DNAH3: variants seen among roughly 807,000 people sequenced by gnomAD.
DNAH3 encodes axonemal beta dynein heavy chain 3.
DNAH3 carries 332 observed loss-of-function variants against 432.5 expected under a neutral mutation model. That is an observed-to-expected ratio of 0.77 (90% CI 0.70 to 0.84). DNAH3 has a LOEUF of 0.84. DNAH3 is among the 40% of genes least tolerant of loss of function. DNAH3 has a pLI of 0.00. For synonymous variants in DNAH3, 1,956 were observed against 1,900.2 expected, an observed-to-expected ratio of 1.03 and a Z score of -0.76; for missense variants, 4,861 against 5,114.0, an observed-to-expected ratio of 0.95 and a Z score of 1.51.
At chr16:21,115,016 G>C (rs2092155226) in intron 12 of DNAH3, among the ~76,000 whole-genome samples, 1 of 152,148 alleles carries the variant, frequency 6.6e-6, no homozygotes, top group Non-Finnish European at 1.5e-5. Flanking sequence ...TGATAGACTG[G>C]ATTAAGAAAA....
intron 38 of DNAH3, among the ~76,000 whole-genome samples, 177 bp downstream of exon 38, chr16:21,026,849 GT>G (rs2088589563): frequency 1.3e-5 from 2 of 151,978 alleles, no homozygotes; most frequent in Admixed American, 1.3e-4. Flanking sequence ...ATTTACTCAT[GT>G]AACAAAGCTG....
At chr16:21,034,129 G>A (rs1195406573) in intron 35 of DNAH3, 44 bp from the exon 36 acceptor site, 11 of 1,314,548 alleles carry the variant, frequency 8.4e-6, no homozygotes, top group South Asian at 2.4e-5. Context: ...TCATTGCAAC[G>A]CTCCCCCATT....
At chr16:21,036,919 AATGAG>A in intron 34 of DNAH3, 71 bp from the exon 35 acceptor site, 1 of 1,259,658 alleles carries the variant, frequency 7.9e-7, no homozygotes, top group Admixed American at 2.1e-5. Context: ...ATTTTCCTAA[AATGAG>A]ATGTATCAAC....
At chr16:20,998,094 TCTA>T (rs1318153426) in intron 43 of DNAH3, among the ~76,000 whole-genome samples, 3 of 152,110 alleles carry the variant, frequency 2.0e-5, no homozygotes, top group African/African-American at 7.2e-5. Context: ...AAATAGATTG[TCTA>T]CTATGTGCTA....
At chr16:20,989,995 G>C (rs3115444) in intron 44 of DNAH3, among the ~76,000 whole-genome samples, 26,968 of 152,222 alleles carry the variant, frequency 0.18, 2,763 homozygotes, top group African/African-American at 0.28. Context: ...AGCGCCGCGC[G>C]CAGCCCCGGT....
At chr16:20,959,318 C>A (rs1360204118) in exon 54 of DNAH3, 1 of 1,614,190 alleles carries the variant, frequency 6.2e-7, no homozygotes, top group Non-Finnish European at 8.5e-7. Context: ...ATCATTTTGG[C>A]AGCAATAGGG....
At chr16:21,155,621 C>CAAAACA (rs2092893090) in intron 1 of DNAH3, among the ~76,000 whole-genome samples, 1 of 76,814 alleles carries the variant, frequency 1.3e-5, no homozygotes, top group Admixed American at 1.6e-4. Context: ...GACTCCGTCT[C>CAAAACA]AAAAAAAAAA....
chr16:21,087,038 A>T, exon 19 of DNAH3: 1 of 1,614,048 alleles, frequency 6.2e-7, no homozygotes, highest in Non-Finnish European at 8.5e-7. Context: ...CAATTTGCTC[A>T]GCATTCAGTA....
At chr16:21,033,002 C>T (rs940734905) in intron 36 of DNAH3, among the ~76,000 whole-genome samples, 13 of 151,958 alleles carry the variant, frequency 8.6e-5, no homozygotes, top group Non-Finnish European at 1.3e-4. Context: ...ATCTCACTCA[C>T]CCAGGCTGCA....
intron 44 of DNAH3, among the ~76,000 whole-genome samples, chr16:20,995,419 T>C (rs2086722292): frequency 6.6e-6 from 1 of 151,870 alleles, no homozygotes; most frequent in Admixed American, 6.6e-5. Flanking sequence ...GTGTGCATCA[T>C]GCCCGGCTAA....
intron 12 of DNAH3, among the ~76,000 whole-genome samples, chr16:21,115,596 A>G (rs973421173): frequency 6.6e-6 from 1 of 151,874 alleles, no homozygotes; most frequent in Non-Finnish European, 1.5e-5. Flanking sequence ...AGTCCCAACT[A>G]CTTGGGAGGC....
intron 41 of DNAH3, among the ~76,000 whole-genome samples, chr16:21,015,080 GA>G (rs1317162930): frequency 2.0e-5 from 3 of 152,106 alleles, no homozygotes; most frequent in African/African-American, 4.8e-5. Flanking sequence ...TTTACTAAAT[GA>G]ATTAATGGAA....
At chr16:21,152,109 C>T (rs1281952652) in intron 1 of DNAH3, among the ~76,000 whole-genome samples, 2 of 152,108 alleles carry the variant, frequency 1.3e-5, no homozygotes, top group Non-Finnish European at 2.9e-5. Context: ...TGGTAGTCGC[C>T]TGTAATCCCA....
rs2092893039 is a variant in DNAH3 at position 21,155,620 on chromosome 16, T to TCAAAA, written c.117+3700_117+3704dup. On this transcript the variant is annotated intron_variant, in intron 1 of 61. Coordinates refer to ENST00000261383, the Ensembl canonical transcript of DNAH3. ...CTGGGAGACAGAGCAAGACTCCGTCTCAAAAAAAAAAAAAAAAAAAAAAAG... is the reference window on the plus strand; with the variant it reads ...CTGGGAGACAGAGCAAGACTCCGTCTCAAAACAAAAAAAAAAAAAAAAAAAAAAAG... Among the ~76,000 whole-genome samples the TCAAAA allele has an allele frequency of 4.2e-4, 14 of 33,248 alleles. No individual in the cohort carries two copies. The Admixed American group carries it at 5.1e-3, about 12-fold the overall frequency. The allele number at this position is 33,248 out of a possible 152,430, so 21.8% of individuals were successfully genotyped here.
chr16:20,933,428 C>A, exon 62 of DNAH3: 1 of 1,614,064 alleles, frequency 6.2e-7, no homozygotes, highest in Non-Finnish European at 8.5e-7. Context: ...CCTGTCCCAA[C>A]GGGCACCTTC....
chr16:20,938,141 C>T (rs2083664088), intron 59 of DNAH3, among the ~76,000 whole-genome samples: 1 of 152,142 alleles, frequency 6.6e-6, no homozygotes, highest in African/African-American at 2.4e-5. Flanking sequence ...CCTGTAATCC[C>T]AGCACTTTGA....
intron 15 of DNAH3, among the ~76,000 whole-genome samples, chr16:21,104,903 T>TCTCTGCTTG (rs2091912401): frequency 6.6e-6 from 1 of 152,272 alleles, no homozygotes; most frequent in Middle Eastern, 3.4e-3. Flanking sequence ...TGTTCTAACC[T>TCTCTGCTTG]CTCTGCTTGA....
At chr16:21,100,883 A>G (rs2091820705) in intron 16 of DNAH3, among the ~76,000 whole-genome samples, 1 of 152,228 alleles carries the variant, frequency 6.6e-6, no homozygotes, top group South Asian at 2.1e-4. Flanking sequence ...TTCCTCCCAG[A>G]GGGCAACTGC....
chr16:21,078,137 T>C (rs956900953), intron 20 of DNAH3, among the ~76,000 whole-genome samples: 13 of 151,920 alleles, frequency 8.6e-5, no homozygotes, highest in African/African-American at 3.1e-4. Context: ...TAGCCAGGCA[T>C]GGTGGCGCAC....
Sources: allele counts gnomAD v4.1 joint callset (sites outside exome capture counted in the v4.1 genomes callset), GRCh38; gene constraint gnomAD v4.1.1; transcripts MANE v1.5; gene names NCBI Gene and HGNC (gene_info 2026-07-23, HGNC 2026-07-21).